CCDC3: variants seen among roughly 807,000 people sequenced by gnomAD.
CCDC3 encodes coiled-coil domain-containing protein 3.
A neutral mutation model predicts 21.4 loss-of-function variants in CCDC3; 24 were observed. The ratio of observed to expected loss-of-function variants is 1.12; its 90% CI spans 0.81 to 1.58. CCDC3 has a LOEUF of 1.58. Among genes scored for constraint, CCDC3 ranks in the 40% most tolerant of loss-of-function variants. The pLI, the probability that CCDC3 is intolerant of heterozygous loss-of-function variation, is 0.00. For synonymous variants in CCDC3, 186 were observed against 166.0 expected (o/e 1.12, Z -0.93); for missense variants, 425 against 360.9 (o/e 1.18, Z -1.44).
At chr10:12,997,568 A>G (rs1178306162) in intron 2 of CCDC3, among the ~76,000 whole-genome samples, 2 of 152,172 alleles carry the variant, frequency 1.3e-5, no homozygotes, top group Admixed American at 6.5e-5. Flanking sequence ...CTGCACCTCT[A>G]TGTCTTACCA....
At chr10:13,058,327 C>T in intron 4 of CCDC3, 1 of 1,288,818 alleles carries the variant, frequency 7.8e-7, no homozygotes. Flanking sequence ...CTTCATAGAT[C>T]TTGTCCATGC....
intron 2 of CCDC3, among the ~76,000 whole-genome samples, chr10:12,901,028 G>A (rs879773976): frequency 6.6e-5 from 10 of 152,094 alleles, no homozygotes; most frequent in Non-Finnish European, 1.3e-4. Context: ...CCCTTCTTTG[G>A]AGCACCTGTA....
intron 5 of CCDC3, among the ~76,000 whole-genome samples, chr10:13,016,039 T>TA (rs1343395250): frequency 6.6e-6 from 1 of 151,934 alleles, no homozygotes; most frequent in Admixed American, 6.6e-5. Context: ...CATGCCTATA[T>TA]CAAAATATCT....
At chr10:13,014,760 G>C (rs1836030419) in intron 5 of CCDC3, among the ~76,000 whole-genome samples, 1 of 152,234 alleles carries the variant, frequency 6.6e-6, no homozygotes, top group African/African-American at 2.4e-5. Context: ...ATAAAAGTGA[G>C]AAGAAAATTT....
intron 4 of CCDC3, among the ~76,000 whole-genome samples, chr10:13,068,982 G>A (rs1158927404): frequency 2.6e-5 from 4 of 152,250 alleles, no homozygotes; most frequent in African/African-American, 9.6e-5. Flanking sequence ...TTGGCCGGGT[G>A]TGGTGGCTCA....
intron 2 of CCDC3, among the ~76,000 whole-genome samples, chr10:12,910,822 T>C (rs1218010087): frequency 6.6e-6 from 1 of 152,014 alleles, no homozygotes; most frequent in Non-Finnish European, 1.5e-5. Context: ...CTCAAACTCC[T>C]GACCTCCAAT....
At chr10:13,055,938 C>T (rs1166657590) in intron 4 of CCDC3, among the ~76,000 whole-genome samples, 1 of 152,142 alleles carries the variant, frequency 6.6e-6, no homozygotes, top group Non-Finnish European at 1.5e-5. Context: ...GACAGGGAAC[C>T]TGTTTGGAGT....
At position 12,906,976 on chromosome 10, in the gene CCDC3, C is replaced by T. The variant is rs145751787; in HGVS notation, c.550-8297G>A. Among the ~76,000 whole-genome samples, 615 of 152,330 alleles carry T rather than the reference C, an allele frequency of 4.0e-3. 4 individuals are homozygous for T. The highest frequency in any genetic ancestry group is 0.024 in the South Asian group (116 of 4,824). ...ACCAAACGATGACATTCTACTTCTT[C>T]TCCAAGTCTTGGTTCAAGAGTCACC... On this transcript the variant is annotated intron_variant, in intron 2 of 2. Coordinates refer to ENST00000378825, the MANE Select transcript of CCDC3 (RefSeq NM_031455.4).
At chr10:12,995,778 G>C (rs1356959659) in intron 2 of CCDC3, among the ~76,000 whole-genome samples, 1 of 152,154 alleles carries the variant, frequency 6.6e-6, no homozygotes, top group African/African-American at 2.4e-5. Context: ...TGATTCAAGG[G>C]AAAGGGAAAA....
At chr10:12,968,715 C>T (rs1275057704) in intron 2 of CCDC3, among the ~76,000 whole-genome samples, 2 of 152,040 alleles carry the variant, frequency 1.3e-5, no homozygotes, top group African/African-American at 4.8e-5. Context: ...ACATCAAAAA[C>T]ACAAAATGGG....
chr10:12,941,655 G>A (rs1441458034), intron 2 of CCDC3, among the ~76,000 whole-genome samples: 6 of 152,194 alleles, frequency 3.9e-5, no homozygotes, highest in Admixed American at 3.9e-4. Context: ...GGGAAGCTAA[G>A]ACATACTAAA....
chr10:13,016,305 T>C, intron 5 of CCDC3, among the ~76,000 whole-genome samples: 1 of 150,764 alleles, frequency 6.6e-6, no homozygotes, highest in Non-Finnish European at 1.5e-5. Context: ...GATTTTCTTT[T>C]TCCCCTTTGC....
intron 2 of CCDC3, among the ~76,000 whole-genome samples, chr10:12,978,865 G>T (rs534584284): frequency 6.6e-6 from 1 of 151,966 alleles, no homozygotes; most frequent in Non-Finnish European, 1.5e-5. Context: ...TTTAATATGC[G>T]TGCTGTTTTG....
intron 2 of CCDC3, among the ~76,000 whole-genome samples, chr10:12,963,991 A>G (rs951342536): frequency 1.3e-5 from 2 of 152,212 alleles, no homozygotes; most frequent in African/African-American, 2.4e-5. Context: ...AAGCAGGCCT[A>G]CAAGGTACAA....
intron 2 of CCDC3, among the ~76,000 whole-genome samples, chr10:12,963,366 G>C (rs775606454): frequency 1.3e-5 from 2 of 152,074 alleles, no homozygotes; most frequent in Non-Finnish European, 2.9e-5. Context: ...GTATGGCATT[G>C]AGACTTACCA....
At chr10:13,040,687 TCACACACACA>T (rs10653974) in intron 5 of CCDC3, among the ~76,000 whole-genome samples, 30 of 142,848 alleles carry the variant, frequency 2.1e-4, no homozygotes, top group East Asian at 1.2e-3. Context: ...CAAAACTCTG[TCACACACACA>T]CACACACACA....
chr10:13,027,489 C>A (rs1230677974), intron 5 of CCDC3, among the ~76,000 whole-genome samples: 5 of 152,178 alleles, frequency 3.3e-5, no homozygotes, highest in Non-Finnish European at 5.9e-5. Context: ...GATTAAGAGG[C>A]TAATCATTAA....
Position 12,994,125 on chromosome 10 carries a change from T to C in CCDC3, c.549+4213A>G, listed in dbSNP as rs181452305. ...ATCAACAGCATCTAGAGGTGGGGCA[T>C]GGTGGCTCACGCCTGTAATCCCAGA... On this transcript the variant is annotated intron_variant, in intron 2 of 2. Transcript: ENST00000378825. Among the ~76,000 whole-genome samples the C allele has an allele frequency of 2.9e-4, 44 of 152,144 alleles. No individual in the cohort carries two copies. In the East Asian group the frequency reaches 6.4e-3, roughly 22 times the overall value.
At chr10:13,068,719 T>C (rs1399197283) in intron 4 of CCDC3, among the ~76,000 whole-genome samples, 1 of 152,178 alleles carries the variant, frequency 6.6e-6, no homozygotes, top group Non-Finnish European at 1.5e-5. Flanking sequence ...GACTTGTACA[T>C]AATTATAACA....
Sources: allele counts gnomAD v4.1 joint callset (sites outside exome capture counted in the v4.1 genomes callset), GRCh38; gene constraint gnomAD v4.1.1; transcripts MANE v1.5; gene names NCBI Gene and HGNC (gene_info 2026-07-23, HGNC 2026-07-21).